CACNB2: variants seen among roughly 807,000 people sequenced by gnomAD.
The protein encoded by CACNB2 is voltage-dependent L-type calcium channel subunit beta-2.
In CACNB2, 42 loss-of-function variants were observed where a neutral mutation model predicts 73.3. The ratio of observed to expected loss-of-function variants is 0.57; its 90% CI spans 0.45 to 0.74. The LOEUF is 0.74. Among genes scored for constraint, CACNB2 ranks in the 30% least tolerant of loss-of-function variants. The pLI is 0.00. For missense variants in CACNB2, 940 were observed against 853.0 expected (o/e 1.10, Z -1.27); for synonymous variants, 348 against 310.3 (o/e 1.12, Z -1.28).
Position 18,442,939 on chromosome 10 carries a change from T to C in CACNB2, c.333+40896T>C, listed in dbSNP as rs1168880772. The stretch of plus-strand genomic sequence containing the variant: ...ATATATATATATGTATATATATATA[T>C]ATGTGTATATATATATATGTATATA... On this transcript the variant is annotated intron_variant, in intron 3 of 13. Coordinates refer to ENST00000324631, the MANE Select transcript of CACNB2 (RefSeq NM_201596.3). Among the ~76,000 whole-genome samples, 132 of 24,360 alleles carry C rather than the reference T, an allele frequency of 5.4e-3. 12 individuals carry two copies. Among genetic ancestry groups the C allele is most frequent in the African/African-American group, 0.037 (128 of 3,468 alleles). 16.0% of individuals were successfully genotyped at this position (24,360 alleles called of 152,430 possible). A position where few individuals can be genotyped will look rare whatever the true frequency, so the allele number is the denominator to read the frequency against.
intron 5 of CACNB2, among the ~76,000 whole-genome samples, chr10:18,503,229 T>C (rs964968037): frequency 5.9e-5 from 9 of 152,234 alleles, no homozygotes; most frequent in African/African-American, 2.2e-4. Context: ...ATTCTTTCAA[T>C]CCTTAATGTT....
At chr10:18,364,592 G>A (rs12254796) in intron 2 of CACNB2, among the ~76,000 whole-genome samples, 35,094 of 151,978 alleles carry the variant, frequency 0.23, 4,208 homozygotes, top group Non-Finnish European at 0.25. Context: ...GAGCCACTTC[G>A]CCCAGCCAAG....
At chr10:18,436,316 G>C (rs1284904111) in intron 3 of CACNB2, among the ~76,000 whole-genome samples, 2 of 152,116 alleles carry the variant, frequency 1.3e-5, no homozygotes, top group African/African-American at 4.8e-5. Context: ...AGTATACTTT[G>C]CTAACCCAGA....
intron 7 of CACNB2, among the ~76,000 whole-genome samples, chr10:18,515,770 A>C (rs2051213963): frequency 6.6e-6 from 1 of 152,198 alleles, no homozygotes. Flanking sequence ...TATCATTCAG[A>C]AGCTTAGAAA....
At chr10:18,188,200 C>G (rs1183538434) in intron 2 of CACNB2, among the ~76,000 whole-genome samples, 1 of 151,884 alleles carries the variant, frequency 6.6e-6, no homozygotes, top group African/African-American at 2.4e-5. Context: ...TCCTTCCTTC[C>G]TGCCTTCCTG....
intron 5 of CACNB2, 93 bp downstream of exon 5, chr10:18,501,041 A>AT (rs1251342359): frequency 5.7e-6 from 7 of 1,234,760 alleles, no homozygotes; most frequent in Non-Finnish European, 8.2e-6. Flanking sequence ...TTTATTATGT[A>AT]TTAACAAGGA....
chr10:18,513,858 T>A (rs113473574), intron 6 of CACNB2, among the ~76,000 whole-genome samples: 69 of 152,388 alleles, frequency 4.5e-4, no homozygotes, highest in African/African-American at 1.4e-3. Flanking sequence ...TAGTTGTTTG[T>A]TATCTCAAAG....
intron 2 of CACNB2, among the ~76,000 whole-genome samples, chr10:18,246,476 G>T (rs765974544): frequency 5.3e-5 from 8 of 152,142 alleles, no homozygotes; most frequent in Admixed American, 1.3e-4. Context: ...TAGGCTCTGT[G>T]TATTGGTCCC....
At chr10:18,220,222 T>TGGG (rs2035708266) in intron 2 of CACNB2, among the ~76,000 whole-genome samples, 3 of 48,254 alleles carry the variant, frequency 6.2e-5, no homozygotes, top group East Asian at 8.1e-4. Flanking sequence ...TATATATATA[T>TGGG]ATATATATAT....
intron 2 of CACNB2, among the ~76,000 whole-genome samples, chr10:18,272,769 C>T (rs114867961): frequency 0.026 from 3,904 of 152,280 alleles, 162 homozygotes; most frequent in African/African-American, 0.09. Flanking sequence ...GTGAGGCCTC[C>T]GCAGCCATGA....
chr10:18,372,175 T>A, intron 2 of CACNB2, among the ~76,000 whole-genome samples: 1 of 152,220 alleles, frequency 6.6e-6, no homozygotes, highest in Admixed American at 6.5e-5. Context: ...CTGATGGTAG[T>A]TTCTTTTGCT....
chr10:18,514,552 C>A, intron 7 of CACNB2, 183 bp downstream of exon 7: 1 of 1,612,880 alleles, frequency 6.2e-7, no homozygotes, highest in Non-Finnish European at 8.5e-7. Flanking sequence ...TTGACATAAG[C>A]TGTGTTTATC....
chr10:18,188,092 A>G (rs931832263), intron 2 of CACNB2, among the ~76,000 whole-genome samples: 4 of 152,322 alleles, frequency 2.6e-5, no homozygotes, highest in East Asian at 3.9e-4. Flanking sequence ...CAAATGTACC[A>G]CCAGAAATTC....
At chr10:18,277,421 C>T (rs1339265023) in intron 2 of CACNB2, among the ~76,000 whole-genome samples, 1 of 152,222 alleles carries the variant, frequency 6.6e-6, no homozygotes, top group Non-Finnish European at 1.5e-5. Flanking sequence ...AAGTAAGGCC[C>T]GGCCCCTTGT....
At chr10:18,244,929 T>C (rs1209732844) in intron 2 of CACNB2, among the ~76,000 whole-genome samples, 1 of 152,090 alleles carries the variant, frequency 6.6e-6, no homozygotes, top group East Asian at 1.9e-4. Context: ...GAGAGGGAGA[T>C]AGGACAACAG....
intron 3 of CACNB2, among the ~76,000 whole-genome samples, chr10:18,422,888 G>T (rs1310795366): frequency 1.3e-5 from 2 of 152,122 alleles, no homozygotes; most frequent in Non-Finnish European, 2.9e-5. Context: ...AGTAGAGACG[G>T]GGTTTCACTA....
intron 2 of CACNB2, among the ~76,000 whole-genome samples, chr10:18,151,863 C>T (rs564631638): frequency 1.6e-4 from 24 of 152,306 alleles, no homozygotes; most frequent in Admixed American, 1.4e-3. Context: ...TGGTAGTCAA[C>T]TGGAAAAGCT....
chr10:18,322,982 A>C (rs1589040038), intron 2 of CACNB2, among the ~76,000 whole-genome samples: 1 of 72,532 alleles, frequency 1.4e-5, no homozygotes, highest in East Asian at 3.3e-4. Flanking sequence ...TTTTTTTTTG[A>C]GACAGGGTCT....
intron 1 of CACNB2, chr10:18,141,287 C>A: frequency 1.5e-6 from 2 of 1,318,526 alleles, no homozygotes; most frequent in South Asian, 1.3e-5. Flanking sequence ...CCTGGCCACG[C>A]TCCGAGCCGG....
Sources: allele counts gnomAD v4.1 joint callset (sites outside exome capture counted in the v4.1 genomes callset), GRCh38; gene constraint gnomAD v4.1.1; transcripts MANE v1.5; gene names NCBI Gene and HGNC (gene_info 2026-07-23, HGNC 2026-07-21).